SLC22A23: variants seen among roughly 807,000 people sequenced by gnomAD.
SLC22A23 encodes solute carrier family 22 member 23.
SLC22A23 carries 26 observed loss-of-function variants against 61.0 expected under a neutral mutation model. The ratio of observed to expected loss-of-function variants is 0.43; its 90% CI spans 0.31 to 0.59. The LOEUF (loss-of-function observed/expected upper bound fraction) is 0.59. Among genes scored for constraint, SLC22A23 ranks in the 20% least tolerant of loss-of-function variants. SLC22A23 has a pLI of 0.11. For missense variants in SLC22A23, 796 were observed against 934.7 expected, an observed-to-expected ratio of 0.85 and a Z score of 1.94; for synonymous variants, 430 against 413.9, an observed-to-expected ratio of 1.04 and a Z score of -0.47.
At chr6:3,326,639 C>T (rs931153882) in intron 3 of SLC22A23, among the ~76,000 whole-genome samples, 8 of 152,212 alleles carry the variant, frequency 5.3e-5, no homozygotes, top group African/African-American at 1.9e-4. Flanking sequence ...CAGAGCACTC[C>T]AGCAGAGACT....
chr6:3,354,483 G>C (rs1581737708), intron 3 of SLC22A23, among the ~76,000 whole-genome samples: 1 of 152,154 alleles, frequency 6.6e-6, no homozygotes, highest in South Asian at 2.1e-4. Context: ...ACTGTACTGT[G>C]GTCAGATCCA....
intron 1 of SLC22A23, among the ~76,000 whole-genome samples, chr6:3,450,101 C>G (rs1275064862): frequency 6.6e-6 from 1 of 152,192 alleles, no homozygotes; most frequent in Non-Finnish European, 1.5e-5. Flanking sequence ...ATGTGAGAAA[C>G]TGGTAACCAT....
At chr6:3,284,905 A>T in intron 8 of SLC22A23, 174 bp downstream of exon 8, 2 of 1,538,110 alleles carry the variant, frequency 1.3e-6, no homozygotes, top group Middle Eastern at 1.7e-4. Flanking sequence ...GGCAAGAGGG[A>T]GAATACAAAT....
intron 6 of SLC22A23, among the ~76,000 whole-genome samples, chr6:3,288,561 T>TCTCC (rs746708331): frequency 1.1e-4 from 16 of 152,248 alleles, no homozygotes; most frequent in Middle Eastern, 6.8e-3. Flanking sequence ...AGAAATGAAG[T>TCTCC]CTCCCCTGAC....
intron 1 of SLC22A23, chr6:3,439,419 G>A (rs1192722924): frequency 5.1e-6 from 2 of 392,206 alleles, no homozygotes; most frequent in Non-Finnish European, 1.0e-5. Flanking sequence ...GGACGAAGAT[G>A]GGCCCGTTCC....
intron 4 of SLC22A23, 29 bp from the exon 5 acceptor site, chr6:3,298,247 T>C (rs367691712): frequency 1.9e-6 from 3 of 1,577,594 alleles, no homozygotes; most frequent in African/African-American, 2.7e-5. Context: ...GATCAGTGAA[T>C]GTCTTCCGAT....
At chr6:3,378,657 C>CTTTTTTTTTTT (rs574704294) in intron 3 of SLC22A23, among the ~76,000 whole-genome samples, 2 of 119,058 alleles carry the variant, frequency 1.7e-5, no homozygotes, top group African/African-American at 3.1e-5. Flanking sequence ...TTTCTTTTTT[C>CTTTTTTTTTTT]TTTTTTTTTT....
Position 3,304,717 on chromosome 6 carries a change from T to C in SLC22A23, c.1083-6499A>G, listed in dbSNP as rs9503532. On this transcript the variant is annotated intron_variant, in intron 4 of 9. Transcript: ENST00000406686. This position sits in a 1 kb window ranked among gnomAD's most constrained non-coding sequence, Gnocchi z 4.3. ...GAGGCCGGGCTCTGCTTGGACCGTC[T>C]TGGAAGATGAGCAGCTGCAGGGCAG... Among the ~76,000 whole-genome samples, 7,111 of 152,126 alleles carry C rather than the reference T, an allele frequency of 0.047. 276 individuals are homozygous for C. Among genetic ancestry groups the C allele is most frequent in the African/African-American group, 0.1 (4,258 of 41,486 alleles).
At chr6:3,380,575 T>C (rs1420922889) in intron 3 of SLC22A23, among the ~76,000 whole-genome samples, 1 of 152,078 alleles carries the variant, frequency 6.6e-6, no homozygotes, top group Non-Finnish European at 1.5e-5. Flanking sequence ...ATTTACTCTC[T>C]ACAAAACTCT....
At chr6:3,356,239 C>T (rs571936918) in intron 3 of SLC22A23, among the ~76,000 whole-genome samples, 2 of 150,998 alleles carry the variant, frequency 1.3e-5, no homozygotes, top group South Asian at 4.3e-4. Context: ...GGAGGGCCCT[C>T]CTTCTGCGTG....
At chr6:3,295,330 G>A (rs1760985656) in intron 5 of SLC22A23, among the ~76,000 whole-genome samples, 1 of 152,206 alleles carries the variant, frequency 6.6e-6, no homozygotes, top group South Asian at 2.1e-4. Context: ...GACAGGGAGT[G>A]TGCACCGGGA....
intron 1 of SLC22A23, among the ~76,000 whole-genome samples, chr6:3,434,381 C>T (rs913922232): frequency 1.3e-5 from 2 of 150,636 alleles, no homozygotes; most frequent in African/African-American, 4.9e-5. Context: ...TTTGGGAGGG[C>T]GGGTGGATCA....
chr6:3,404,828 C>T (rs9503581), intron 3 of SLC22A23, among the ~76,000 whole-genome samples: 27,377 of 152,086 alleles, frequency 0.18, 4,207 homozygotes, highest in African/African-American at 0.42. Context: ...CTTTGCTTTT[C>T]GCAGTTTGCC....
At chr6:3,279,833 A>C (rs950041769) in intron 9 of SLC22A23, among the ~76,000 whole-genome samples, 3 of 152,166 alleles carry the variant, frequency 2.0e-5, no homozygotes, top group African/African-American at 7.2e-5. Flanking sequence ...AGGAGCACAA[A>C]ATTGTAATAC....
At chr6:3,402,974 G>T (rs1407990017) in intron 3 of SLC22A23, among the ~76,000 whole-genome samples, 1 of 152,218 alleles carries the variant, frequency 6.6e-6, no homozygotes, top group Non-Finnish European at 1.5e-5. Context: ...CTTTGTAGCA[G>T]AGCCTATCTG....
intron 3 of SLC22A23, among the ~76,000 whole-genome samples, chr6:3,350,742 A>T (rs942211320): frequency 3.9e-5 from 6 of 152,204 alleles, no homozygotes; most frequent in Admixed American, 1.3e-4. Flanking sequence ...ATTATTACTT[A>T]AAAAATGCAA....
In SLC22A23 at chr6:3,456,132, G is replaced by A; in HGVS notation, c.428C>T (p.Thr143Ile). 6.4e-7 allele frequency: 1 copy of A among 1,551,174 alleles called. No homozygotes were observed. The highest frequency in any genetic ancestry group is 8.7e-7 in the Non-Finnish European group (1 of 1,146,848). The change falls in exon 1 of 10, where the codon ACA (threonine) becomes ATA (isoleucine). Residue 143 changes from threonine to isoleucine, a missense_variant. Physicochemically the swap from Thr to Ile is moderately conservative, Grantham distance 89. Coordinates refer to ENST00000406686, the MANE Select transcript of SLC22A23 (RefSeq NM_015482.2). The surrounding 1 kb of genome is among the most constrained non-coding windows in gnomAD (Gnocchi z 7.1). Reference sequence around the variant, plus strand: ...GTTGCCCATGTCCCCGCCCCGGCCTGTGGTGGTGACCCCTGCCAGCTCGGT... The same window carrying A: ...GTTGCCCATGTCCCCGCCCCGGCCTATGGTGGTGACCCCTGCCAGCTCGGT... ...KGTELAGVTT[T>I]GRGGDMGNWT...
At chr6:3,344,876 A>T (rs2127426668) in intron 3 of SLC22A23, among the ~76,000 whole-genome samples, 1 of 152,284 alleles carries the variant, frequency 6.6e-6, no homozygotes, top group Non-Finnish European at 1.5e-5. Context: ...GAGAAAACTC[A>T]TTTCTTGGCA....
intron 5 of SLC22A23, among the ~76,000 whole-genome samples, chr6:3,293,089 C>A (rs1192869351): frequency 1.3e-5 from 2 of 152,198 alleles, no homozygotes; most frequent in East Asian, 3.8e-4. Context: ...AGGGAAAACA[C>A]ACGCAGAGGA....
Sources: gnomAD v4.1 joint callset for allele counts (sites outside exome capture counted in the v4.1 genomes callset) on GRCh38, gnomAD v4.1.1 for gene constraint, Gnocchi (gnomAD v3.1) non-coding constraint, MANE v1.5 for transcripts, NCBI Gene and HGNC (gene_info 2026-07-23, HGNC 2026-07-21) for gene names.